The following LSP1 variants were observed in gnomAD, a reference collection of about 807,000 sequenced individuals.
The protein encoded by LSP1 is lymphocyte specific protein 1.
Under a neutral mutation model 49.3 loss-of-function variants are expected in LSP1, and 32 were observed. That is an observed-to-expected ratio of 0.65 (90% CI 0.49 to 0.87). LSP1 has a LOEUF of 0.87. Ranked by LOEUF, LSP1 falls within the 40% of genes least tolerant of loss-of-function variation. The pLI is 0.00. For missense variants in LSP1, 428 were observed against 442.6 expected, an observed-to-expected ratio of 0.97 and a Z score of 0.30; for synonymous variants, 179 against 178.8, an observed-to-expected ratio of 1.00 and a Z score of -0.01.
chr11:1,890,240 C>T (rs745521769), intron 10 of LSP1: 15 of 713,220 alleles, frequency 2.1e-5, no homozygotes, highest in Middle Eastern at 2.3e-4. Flanking sequence ...TGGGGGTGTG[C>T]GGGGAGCGGG....
intron 10 of LSP1, chr11:1,888,940 C>T (rs912063398): frequency 2.1e-6 from 1 of 486,560 alleles, no homozygotes; most frequent in Admixed American, 3.8e-5. Flanking sequence ...TCCAGCTCGT[C>T]CTCTCTGCCC....
intron 1 of LSP1, among the ~76,000 whole-genome samples, chr11:1,861,079 C>T (rs1847617620): frequency 6.6e-6 from 1 of 152,208 alleles, no homozygotes; most frequent in Non-Finnish European, 1.5e-5. Context: ...TGAGTAGACA[C>T]TACTAAATCA....
chr11:1,861,679 ATGGGTGGATGGGTGGG>A, intron 1 of LSP1, among the ~76,000 whole-genome samples: 1 of 148,184 alleles, frequency 6.7e-6, no homozygotes, highest in South Asian at 2.2e-4. Flanking sequence ...AGATGGGTGG[ATGGGTGGATGGGTGGG>A]TGGATGGATG....
Position 1,883,931 on chromosome 11 carries a change from G to T in LSP1, c.499-1G>T. 1 of 1,597,284 alleles carries T rather than the reference G, an allele frequency of 6.3e-7. No individual in the cohort carries two copies. Among genetic ancestry groups the T allele is most frequent in the Non-Finnish European group, 8.5e-7 (1 of 1,175,192 alleles). ...TGGGATGTCTGTTTTTTTTTTTCTA[G>T]CACCAGAAATGTCAGCAGCCCAGGA... is the stretch of plus-strand genomic sequence containing the variant. On this transcript the variant is annotated splice_acceptor_variant, in intron 4 of 10. Coordinates refer to ENST00000311604, the MANE Select transcript of LSP1 (RefSeq NM_002339.3). LOFTEE classifies it high-confidence loss of function.
chr11:1,885,702 C>T (rs1848724473), intron 7 of LSP1, among the ~76,000 whole-genome samples: 1 of 151,916 alleles, frequency 6.6e-6, no homozygotes, highest in African/African-American at 2.4e-5. Flanking sequence ...AGTGCCCCTC[C>T]ATCCACCCAG....
chr11:1,889,476 G>GCGGGCACC (rs1379475976), intron 10 of LSP1: 6 of 628,542 alleles, frequency 9.5e-6, no homozygotes, highest in East Asian at 2.8e-5. Context: ...CTCTGTGGGG[G>GCGGGCACC]TGGGCACCTC....
intron 1 of LSP1, chr11:1,870,723 G>A (rs76775887): frequency 0.18 from 179,560 of 1,008,172 alleles, 17,128 homozygotes; most frequent in Middle Eastern, 0.21. Flanking sequence ...GGAGCGCTTC[G>A]GGCAGCATCT....
intron 10 of LSP1, chr11:1,889,771 G>T (rs1848912783): frequency 9.2e-6 from 6 of 649,110 alleles, no homozygotes; most frequent in South Asian, 8.7e-5. Flanking sequence ...CGGCAGGTCG[G>T]GGCTATGGGC....
rs762470205 is a variant in LSP1, at chr11:1,884,481, C to T, written c.636-19C>T. ...GCCTTGTGGGAGACATGGGGCCTGACACATCTTCTACCCTCCAGTAACAGT... is the reference window on the plus strand; with the variant it reads ...GCCTTGTGGGAGACATGGGGCCTGATACATCTTCTACCCTCCAGTAACAGT... On this transcript the variant is annotated intron_variant, in intron 6 of 10. Coordinates refer to ENST00000311604, the MANE Select transcript of LSP1 (RefSeq NM_002339.3). This position sits in a 1 kb window ranked among gnomAD's most constrained non-coding sequence, Gnocchi z 4.1. 2 of 1,610,382 alleles carry T rather than the reference C, an allele frequency of 1.2e-6. No homozygotes were observed. The highest frequency in any genetic ancestry group is 1.7e-6 in the Non-Finnish European group (2 of 1,176,752).
At chr11:1,874,418 T>C (rs1848222936) in intron 1 of LSP1, among the ~76,000 whole-genome samples, 1 of 152,036 alleles carries the variant, frequency 6.6e-6, no homozygotes, top group Non-Finnish European at 1.5e-5. Flanking sequence ...TCAGGCCCAG[T>C]CTTCACTCCC....
chr11:1,874,121 G>GGGCAGGCCGGA lies in LSP1; in HGVS notation c.54-5965_54-5964insGCAGGCCGGAG, dbSNP rs1565079734. Among the ~76,000 whole-genome samples the GGGCAGGCCGGA allele has an allele frequency of 9.3e-4, 32 of 34,572 alleles. 1 individual carries two copies. The highest frequency in any genetic ancestry group is 1.3e-3 in the Non-Finnish European group (23 of 17,094). 22.7% of individuals were successfully genotyped at this position (34,572 alleles called of 152,430 possible). On this transcript the variant is annotated intron_variant, in intron 1 of 10. Transcript: ENST00000311604. Reference sequence around the variant, plus strand: ...GAGGCCGGCAGAGGAGGGAGGCTGGGGACAGTGGGGGCAGGCCGGGGACAG... The same window carrying GGGCAGGCCGGA: ...GAGGCCGGCAGAGGAGGGAGGCTGGGGGCAGGCCGGAGACAGTGGGGGCAGGCCGGGGACAG...
rs985449472 is a variant in LSP1, at chr11:1,890,170, G to A, written c.*14-1603G>A. 16 of 717,004 alleles carry A rather than the reference G, an allele frequency of 2.2e-5. No individual in the cohort carries two copies. The Admixed American group carries it at 2.4e-4, about 11-fold the overall frequency. The allele number at this position is 717,004 out of a possible 1,614,324, so 44.4% of individuals were successfully genotyped here. On this transcript the variant is annotated intron_variant, in intron 10 of 10. Coordinates refer to ENST00000311604, the MANE Select transcript of LSP1 (RefSeq NM_002339.3). Reference sequence around the variant, plus strand: ...CTGAATTGAGCAGCTAGAATCCTGCGCTGGGTGAGGCCGATGGAGAACGTG... The same window carrying A: ...CTGAATTGAGCAGCTAGAATCCTGCACTGGGTGAGGCCGATGGAGAACGTG...
At chr11:1,869,775 G>A (rs538446424) in intron 1 of LSP1, 2 of 448,054 alleles carry the variant, frequency 4.5e-6, no homozygotes, top group African/African-American at 2.4e-5. Flanking sequence ...CGAGGAAAAT[G>A]GGGCGCCCCA....
intron 10 of LSP1, chr11:1,889,435 C>T (rs1848894474): frequency 1.5e-6 from 1 of 657,226 alleles, no homozygotes. Context: ...AGGGCGGGCA[C>T]CTCCTGCTCT....
intron 2 of LSP1, 29 bp downstream of exon 2, chr11:1,880,253 C>G: frequency 6.5e-7 from 1 of 1,547,436 alleles, no homozygotes; most frequent in Non-Finnish European, 8.7e-7. Flanking sequence ...CGTGCCTGGG[C>G]TCTAGCCCCT....
chr11:1,871,332 G>T (rs78405116), intron 1 of LSP1: 18,697 of 986,196 alleles, frequency 0.019, 255 homozygotes, highest in South Asian at 0.068. Context: ...CGCCGCAGAT[G>T]GGGGCAGAGA....
Position 1,884,437 on chromosome 11 carries a change from C to T in LSP1, c.636-63C>T, listed in dbSNP as rs1215456581. On this transcript the variant is annotated intron_variant, in intron 6 of 10. Coordinates refer to ENST00000311604, the MANE Select transcript of LSP1 (RefSeq NM_002339.3). This position sits in a 1 kb window ranked among gnomAD's most constrained non-coding sequence, Gnocchi z 4.1. The stretch of plus-strand genomic sequence containing the variant: ...AGACCGAGGGGGGCTCTGGGAGAGG[C>T]TTGGGCAGGTTGGGAGAAGCCTTGT... 3 of 1,602,410 alleles carry T rather than the reference C, an allele frequency of 1.9e-6. No individual in the cohort carries two copies. The highest frequency in any genetic ancestry group is 2.6e-6 in the Non-Finnish European group (3 of 1,169,440).
rs778252259 is a variant in LSP1 at position 1,890,535 on chromosome 11, A to G, written c.*14-1238A>G. 8.8e-5 allele frequency: 63 copies of G among 715,022 alleles called. No homozygotes were observed. The Middle Eastern group carries it at 9.2e-4, about 10-fold the overall frequency. The allele number at this position is 715,022 out of a possible 1,614,324, so 44.3% of individuals were successfully genotyped here. ...CGGTGGGGGTCCAGGGGTTCCCTGG[A>G]GGCTTGGGCCGCACACCTCGGGTGC... On this transcript the variant is annotated intron_variant, in intron 10 of 10. Coordinates refer to ENST00000311604, the MANE Select transcript of LSP1 (RefSeq NM_002339.3).
At chr11:1,873,375 C>T (rs752667514) in intron 1 of LSP1, among the ~76,000 whole-genome samples, 1 of 152,088 alleles carries the variant, frequency 6.6e-6, no homozygotes, top group Non-Finnish European at 1.5e-5. Flanking sequence ...GCTTCTTGAT[C>T]CACATCATGG....
Sources: allele counts gnomAD v4.1 joint callset (sites outside exome capture counted in the v4.1 genomes callset), GRCh38; gene constraint gnomAD v4.1.1; non-coding constraint Gnocchi (gnomAD v3.1); transcripts MANE v1.5; gene names NCBI Gene and HGNC (gene_info 2026-07-23, HGNC 2026-07-21).